FRAS1: variants seen among roughly 807,000 people sequenced by gnomAD.
The protein encoded by FRAS1 is extracellular matrix organizing protein FRAS1.
FRAS1 carries 290 observed loss-of-function variants against 435.2 expected under a neutral mutation model. The ratio of observed to expected loss-of-function variants is 0.67; its 90% confidence interval spans 0.61 to 0.73. The LOEUF is 0.73. Ranked by LOEUF, FRAS1 falls within the 30% of genes least tolerant of loss-of-function variation. The probability of loss-of-function intolerance (pLI) is 0.00; values close to 1 mark genes in which losing one functional copy is unlikely to be tolerated. For synonymous variants in FRAS1, 1,800 were observed against 1,851.0 expected, an observed-to-expected ratio of 0.97 and a Z score of 0.71; for missense variants, 4,860 against 5,001.5, an observed-to-expected ratio of 0.97 and a Z score of 0.85.
chr4:78,320,809 A>G (rs1729473594), intron 18 of FRAS1, among the ~76,000 whole-genome samples: 1 of 152,118 alleles, frequency 6.6e-6, no homozygotes, highest in Non-Finnish European at 1.5e-5. Flanking sequence ...ACCTCCAGGA[A>G]CACCAGTCTT....
intron 28 of FRAS1, among the ~76,000 whole-genome samples, chr4:78,384,449 G>A (rs1020390706): frequency 6.6e-6 from 1 of 152,186 alleles, no homozygotes; most frequent in Admixed American, 6.5e-5. Flanking sequence ...AGGAAACAAA[G>A]TCACAAGAAG....
chr4:78,285,228 C>T (rs28679752), intron 13 of FRAS1, among the ~76,000 whole-genome samples: 48,929 of 151,026 alleles, frequency 0.32, 8,315 homozygotes, highest in East Asian at 0.58. Context: ...GGTGTGGTGG[C>T]GCACGCCTGT....
At chr4:78,536,925 T>C (rs993267740) in intron 71 of FRAS1, 70 bp from the exon 72 acceptor site, 1 of 1,333,900 alleles carries the variant, frequency 7.5e-7, no homozygotes, top group African/African-American at 1.4e-5. Context: ...TTTAACCCCT[T>C]TCAACCCTTG....
chr4:78,397,482 C>A (rs1182481453), intron 29 of FRAS1, among the ~76,000 whole-genome samples: 1 of 152,146 alleles, frequency 6.6e-6, no homozygotes, highest in Non-Finnish European at 1.5e-5. Context: ...ATCCGAAGAG[C>A]CTGAATGTAC....
chr4:78,078,759 G>A (rs1345914635), intron 2 of FRAS1, among the ~76,000 whole-genome samples: 3 of 152,018 alleles, frequency 2.0e-5, no homozygotes, highest in Non-Finnish European at 4.4e-5. Context: ...TAAGAATAGA[G>A]AGTTTACATA....
chr4:78,128,106 T>C (rs1453620778), intron 2 of FRAS1, among the ~76,000 whole-genome samples: 1 of 152,174 alleles, frequency 6.6e-6, no homozygotes, highest in Non-Finnish European at 1.5e-5. Flanking sequence ...GGCTGCATAG[T>C]ATTCCGTGGT....
intron 61 of FRAS1, among the ~76,000 whole-genome samples, chr4:78,506,228 T>A (rs1720835907): frequency 6.6e-6 from 1 of 152,226 alleles, no homozygotes; most frequent in Middle Eastern, 3.2e-3. Context: ...GAGGAGGCAG[T>A]CTGTCTGTTC....
At chr4:78,328,462 C>A (rs569889983) in intron 18 of FRAS1, among the ~76,000 whole-genome samples, 1 of 152,318 alleles carries the variant, frequency 6.6e-6, no homozygotes, top group South Asian at 2.1e-4. Context: ...TTCTGCAAAG[C>A]TTTGTGTTAA....
chr4:78,448,113 A>G lies in FRAS1; in HGVS notation c.6071A>G (p.Gln2024Arg), dbSNP rs752066179. ...EPLENGRVLV[Q>R]GSTFTYQDIL... is the part of the protein sequence containing the mutation. ...CTGGAGAATGGGAGAGTTTTAGTCC[A>G]GGGCTCAACCTTCACCTACCAGGAT... Residue 2024 changes from glutamine (Q) to arginine (R), a missense_variant, in exon 44 of 74, where the codon CAG (glutamine) becomes CGG (arginine). Transcript: ENST00000512123. 1 of 1,613,542 alleles carries G rather than the reference A, an allele frequency of 6.2e-7. No individual in the cohort carries two copies. Among genetic ancestry groups the G allele is most frequent in the South Asian group, 1.1e-5 (1 of 90,952 alleles).
chr4:78,294,365 G>A (rs1418489813), intron 14 of FRAS1, among the ~76,000 whole-genome samples: 1 of 152,200 alleles, frequency 6.6e-6, no homozygotes, highest in Non-Finnish European at 1.5e-5. Flanking sequence ...GTGTAGGATT[G>A]GGGAGGGAAC....
chr4:78,245,953 C>T (rs1385670205), intron 4 of FRAS1, among the ~76,000 whole-genome samples: 2 of 152,146 alleles, frequency 1.3e-5, no homozygotes, highest in Non-Finnish European at 2.9e-5. Context: ...GAAATCTTTG[C>T]AGACATGGCC....
intron 71 of FRAS1, 83 bp from the exon 72 acceptor site, chr4:78,536,912 A>G (rs965624260): frequency 4.7e-6 from 5 of 1,067,596 alleles, no homozygotes; most frequent in Non-Finnish European, 7.0e-6. Flanking sequence ...TTAAGGGAGC[A>G]TGTTTAACCC....
intron 35 of FRAS1, 51 bp from the exon 36 acceptor site, chr4:78,429,044 C>T (rs867889396): frequency 1.4e-6 from 2 of 1,386,040 alleles, no homozygotes; most frequent in Non-Finnish European, 1.9e-6. Context: ...GTGTGCGTGT[C>T]TCTGTGTGTG....
intron 2 of FRAS1, among the ~76,000 whole-genome samples, chr4:78,146,671 CAT>C (rs1720433977): frequency 6.6e-6 from 1 of 151,564 alleles, no homozygotes; most frequent in Non-Finnish European, 1.5e-5. Flanking sequence ...GCAAATTCCA[CAT>C]ATCTTATCAT....
chr4:78,419,441 A>G (rs540002254), intron 33 of FRAS1, among the ~76,000 whole-genome samples: 51 of 152,304 alleles, frequency 3.3e-4, no homozygotes, highest in African/African-American at 1.2e-3. Flanking sequence ...AAAAATGAGC[A>G]TATGTTCAGG....
Position 78,315,667 on chromosome 4 carries a change from G to T in FRAS1, c.1752G>T (p.Leu584=). The T allele has an allele frequency of 1.2e-6, 2 of 1,613,966 alleles. No individual in the cohort carries two copies. The highest frequency in any genetic ancestry group is 8.5e-7 in the Non-Finnish European group (1 of 1,179,874). Residue 584 remains leucine (L), a synonymous_variant, in exon 16 of 74, where the codon CTG becomes CTT. Transcript: ENST00000512123. The part of the protein sequence containing the change: ...RCLTCTEKTV[L]HDGKCMSECP... The stretch of plus-strand genomic sequence containing the variant: ...TTACCTGTACTGAGAAGACAGTGCT[G>T]CATGATGGGAAATGCATGTCTGAAT...
intron 26 of FRAS1, among the ~76,000 whole-genome samples, chr4:78,378,091 C>T (rs569245427): frequency 2.7e-3 from 409 of 152,206 alleles, no homozygotes; most frequent in Non-Finnish European, 4.6e-3. Flanking sequence ...TGTCTCAACC[C>T]AGTCCCTGGA....
At chr4:78,321,875 C>A (rs1297701376) in intron 18 of FRAS1, among the ~76,000 whole-genome samples, 1 of 151,338 alleles carries the variant, frequency 6.6e-6, no homozygotes, top group Non-Finnish European at 1.5e-5. Flanking sequence ...TCTAATCCTG[C>A]CAGAATGGTT....
At chr4:78,241,055 C>T (rs1026235399) in intron 3 of FRAS1, among the ~76,000 whole-genome samples, 12 of 151,788 alleles carry the variant, frequency 7.9e-5, no homozygotes, top group Non-Finnish European at 1.6e-4. Flanking sequence ...GTGGGGGGAG[C>T]GGAGACTGTA....
Sources: allele counts gnomAD v4.1 joint callset (sites outside exome capture counted in the v4.1 genomes callset), GRCh38; gene constraint gnomAD v4.1.1; transcripts MANE v1.5; gene names NCBI Gene and HGNC (gene_info 2026-07-23, HGNC 2026-07-21).